SYT1: variants seen among roughly 807,000 people sequenced by gnomAD.
SYT1 encodes synaptotagmin 1.
In SYT1, 8 loss-of-function variants were observed where a neutral mutation model predicts 44.8. The ratio of observed to expected loss-of-function variants is 0.18; its 90% CI spans 0.10 to 0.32. SYT1 has a LOEUF of 0.32. SYT1 is among the 10% of genes least tolerant of loss of function. The pLI is 1.00. For missense variants in SYT1, 286 were observed against 509.3 expected (o/e 0.56, Z 4.22); for synonymous variants, 154 against 188.8 (o/e 0.82, Z 1.51).
At position 78,890,473 on chromosome 12, in the gene SYT1, G is replaced by A. The variant is rs558773557; in HGVS notation, c.-217+25364G>A. Reference sequence around the variant, plus strand: ...TTAATGGGTGCAGCACACCAACAAGGCACTTGTATACATATGTAACAAACC... The same window carrying A: ...TTAATGGGTGCAGCACACCAACAAGACACTTGTATACATATGTAACAAACC... On this transcript the variant is annotated intron_variant, in intron 1 of 10. Coordinates refer to ENST00000261205, the MANE Select transcript of SYT1 (RefSeq NM_005639.3). Among the ~76,000 whole-genome samples, 10 of 151,892 alleles carry A rather than the reference G, an allele frequency of 6.6e-5. No homozygotes were observed. The East Asian group carries it at 1.8e-3, about 27-fold the overall frequency.
intron 3 of SYT1, among the ~76,000 whole-genome samples, chr12:79,106,400 T>C (rs990827871): frequency 1.3e-5 from 2 of 152,182 alleles, no homozygotes; most frequent in South Asian, 2.1e-4. Flanking sequence ...TACATGTCAA[T>C]TGCTGGATAT....
chr12:79,354,828 A>C (rs1184088637), intron 9 of SYT1, among the ~76,000 whole-genome samples: 1 of 152,344 alleles, frequency 6.6e-6, no homozygotes, highest in East Asian at 1.9e-4. Flanking sequence ...ATTATTACTT[A>C]GTTTCCTAAG....
chr12:79,057,474 G>T (rs928683691), intron 3 of SYT1, among the ~76,000 whole-genome samples: 2 of 151,918 alleles, frequency 1.3e-5, no homozygotes, highest in African/African-American at 4.8e-5. Context: ...CTTAGCAGTA[G>T]TTTTGCAAGT....
At chr12:79,392,108 G>C (rs1884680053) in intron 9 of SYT1, 1 of 152,154 alleles carries the variant, frequency 6.6e-6, no homozygotes, top group Non-Finnish European at 1.5e-5. Flanking sequence ...AGAAGGAAGA[G>C]TTTAGATATG....
chr12:79,248,423 A>G (rs2138681330), intron 4 of SYT1, among the ~76,000 whole-genome samples: 1 of 152,330 alleles, frequency 6.6e-6, no homozygotes, highest in Non-Finnish European at 1.5e-5. Context: ...TTCAAAAAAG[A>G]AAAAATATTT....
At chr12:79,009,848 T>C (rs549278151) in intron 2 of SYT1, among the ~76,000 whole-genome samples, 1 of 152,306 alleles carries the variant, frequency 6.6e-6, no homozygotes, top group Admixed American at 6.5e-5. Context: ...AATCTAGATT[T>C]GGTGCTTTTC....
rs376401807 is a variant in SYT1, at chr12:79,339,812, T to C, written c.811-13690T>C. Among the ~76,000 whole-genome samples the C allele has an allele frequency of 1.8e-4, 28 of 152,346 alleles. No homozygotes were observed. The East Asian group carries it at 3.1e-3, about 17-fold the overall frequency. ...GATTTTATGGTTTTAGGTCTAACATTTAAGTCTTTAATGCATCTTGAATTA... is the reference window on the plus strand; with the variant it reads ...GATTTTATGGTTTTAGGTCTAACATCTAAGTCTTTAATGCATCTTGAATTA... On this transcript the variant is annotated intron_variant, in intron 8 of 10. Coordinates refer to ENST00000261205, the MANE Select transcript of SYT1 (RefSeq NM_005639.3).
chr12:79,410,714 A>G (rs1868384825), intron 9 of SYT1, among the ~76,000 whole-genome samples: 1 of 152,114 alleles, frequency 6.6e-6, no homozygotes, highest in African/African-American at 2.4e-5. Context: ...ATTCACATCC[A>G]TTTAATGTGT....
intron 3 of SYT1, among the ~76,000 whole-genome samples, chr12:79,127,818 T>C (rs766322518): frequency 2.0e-5 from 3 of 152,234 alleles, no homozygotes; most frequent in African/African-American, 4.8e-5. Context: ...GGACCTTCTT[T>C]AGGAATGCAT....
intron 1 of SYT1, among the ~76,000 whole-genome samples, chr12:78,931,234 AGAAAG>A (rs1877662490): frequency 1.9e-5 from 1 of 51,418 alleles, no homozygotes; most frequent in African/African-American, 1.1e-4. Flanking sequence ...AAAGAAAGAA[AGAAAG>A]AAGGAAGGAA....
intron 1 of SYT1, among the ~76,000 whole-genome samples, chr12:78,931,046 C>T (rs1877604369): frequency 6.6e-6 from 1 of 150,960 alleles, no homozygotes; most frequent in Admixed American, 6.6e-5. Context: ...CGTGAAATCC[C>T]AGCTACTTGG....
At chr12:79,411,216 C>T (rs1257187112) in intron 9 of SYT1, among the ~76,000 whole-genome samples, 1 of 152,156 alleles carries the variant, frequency 6.6e-6, no homozygotes, top group African/African-American at 2.4e-5. Context: ...GGCTTTCATG[C>T]CATGGACCTG....
At chr12:79,240,662 A>C (rs1211193729) in intron 4 of SYT1, among the ~76,000 whole-genome samples, 2 of 152,202 alleles carry the variant, frequency 1.3e-5, no homozygotes, top group Admixed American at 1.3e-4. Flanking sequence ...ACTTTTGCTT[A>C]AAATAAAAAA....
intron 1 of SYT1, among the ~76,000 whole-genome samples, chr12:78,961,801 C>A (rs1302676363): frequency 6.6e-6 from 1 of 151,990 alleles, no homozygotes; most frequent in African/African-American, 2.4e-5. Context: ...GTATCCTTTT[C>A]TTTTCTGCTT....
Position 79,429,955 on chromosome 12 carries a change from G to A in SYT1, c.929-14118G>A, listed in dbSNP as rs1274252956. ...TTTCCTATTTATGAAAATCACATTA[G>A]GTTAATCACGAATTTCCATTATGCA... On this transcript the variant is annotated intron_variant, in intron 9 of 10. Transcript: ENST00000261205. Among the ~76,000 whole-genome samples, 4 of 152,086 alleles carry A rather than the reference G, an allele frequency of 2.6e-5. No homozygotes were observed. In the East Asian group the frequency reaches 7.7e-4, roughly 29 times the overall value.
rs2138851239 is a variant in SYT1, at chr12:79,292,056, AAAG to A, written c.406_408del (p.Glu136del). ...AACTGGATTGACAGATGGAGAAGAA[AAAG>A]AAGAACCCAAAGAAGAGGAGAAACT... On this transcript the variant is annotated inframe_deletion, in exon 6 of 11. Coordinates refer to ENST00000261205, the MANE Select transcript of SYT1 (RefSeq NM_005639.3). The A allele has an allele frequency of 5.0e-6, 8 of 1,614,130 alleles. No individual in the cohort carries two copies. The highest frequency in any genetic ancestry group is 5.9e-6 in the Non-Finnish European group (7 of 1,180,010).
chr12:79,116,444 G>T (rs920108332), intron 3 of SYT1, among the ~76,000 whole-genome samples: 12 of 152,090 alleles, frequency 7.9e-5, no homozygotes, highest in African/African-American at 2.9e-4. Context: ...ACGTGTTGGT[G>T]AGGTGTTGAC....
At chr12:79,349,120 A>G (rs188036668) in intron 8 of SYT1, among the ~76,000 whole-genome samples, 2 of 148,490 alleles carry the variant, frequency 1.3e-5, no homozygotes, top group African/African-American at 5.1e-5. Flanking sequence ...GGAGGAAGGG[A>G]GGAAGGTAGG....
At chr12:79,273,042 A>G (rs907026970) in intron 4 of SYT1, among the ~76,000 whole-genome samples, 4 of 152,140 alleles carry the variant, frequency 2.6e-5, no homozygotes, top group African/African-American at 2.4e-5. Flanking sequence ...TTTACCCCCA[A>G]GATAGCGGAT....
Sources: allele counts gnomAD v4.1 joint callset (sites outside exome capture counted in the v4.1 genomes callset), GRCh38; gene constraint gnomAD v4.1.1; transcripts MANE v1.5; gene names NCBI Gene and HGNC (gene_info 2026-07-23, HGNC 2026-07-21).